ZNF578: variants seen among roughly 807,000 people sequenced by gnomAD.
The protein encoded by ZNF578 is Putative chemokine-related protein B42.
ZNF578 carries 8 observed loss-of-function variants against 8.3 expected under a neutral mutation model. The observed-to-expected ratio is 0.96, with a 90% CI of 0.56 to 1.74. ZNF578 has a LOEUF of 1.74. Ranked by LOEUF, ZNF578 falls within the 40% of genes most tolerant of loss-of-function variation. The pLI is 0.00. For synonymous variants in ZNF578, 206 were observed against 232.2 expected, an observed-to-expected ratio of 0.89 and a Z score of 1.03; for missense variants, 726 against 707.5, an observed-to-expected ratio of 1.03 and a Z score of -0.30.
rs879319517 is a variant in ZNF578, at chr19:52,514,070, C to A, written c.*1916C>A. Among the ~76,000 whole-genome samples the A allele has an allele frequency of 1.3e-5, 2 of 152,082 alleles. No homozygotes were observed. The highest frequency in any genetic ancestry group is 3.8e-4 in the East Asian group (2 of 5,198). On this transcript the variant is annotated 3_prime_UTR_variant, in exon 6 of 6. Transcript: ENST00000421239. ...CAGACATCAAAAATGCTTTTGTTCT[C>A]GTTGTGTCATAGACTTCCCTTTTTT...
At chr19:52,476,577 A>T (rs2059308982) in intron 2 of ZNF578, among the ~76,000 whole-genome samples, 1 of 152,126 alleles carries the variant, frequency 6.6e-6, no homozygotes, top group South Asian at 2.1e-4. Flanking sequence ...ATTCTTCAAC[A>T]TTTTAAATCC....
intron 2 of ZNF578, chr19:52,458,253 G>C (rs1484796444): frequency 6.6e-6 from 1 of 152,254 alleles, no homozygotes; most frequent in Non-Finnish European, 1.5e-5. Context: ...CCATCCTATG[G>C]AGATTGTGGT....
intron 3 of ZNF578, among the ~76,000 whole-genome samples, chr19:52,500,963 C>T (rs1231658607): frequency 2.0e-5 from 3 of 150,372 alleles, no homozygotes; most frequent in African/African-American, 7.3e-5. Flanking sequence ...ACTGCAACCT[C>T]TGTCTCCTGG....
At chr19:52,472,849 T>A (rs115052989) in intron 2 of ZNF578, among the ~76,000 whole-genome samples, 2,140 of 152,322 alleles carry the variant, frequency 0.014, 50 homozygotes, top group African/African-American at 0.048. Context: ...AATAATTTTT[T>A]AAAAAATTAT....
chr19:52,467,700 T>C (rs1236364709), intron 2 of ZNF578, among the ~76,000 whole-genome samples: 4 of 152,112 alleles, frequency 2.6e-5, no homozygotes, highest in Non-Finnish European at 4.4e-5. Flanking sequence ...TGGAGACATA[T>C]ACAATGTCAA....
chr19:52,507,452 C>T (rs553617311), intron 5 of ZNF578, among the ~76,000 whole-genome samples: 10 of 151,816 alleles, frequency 6.6e-5, no homozygotes, highest in South Asian at 2.1e-4. Flanking sequence ...CAGCTACTCA[C>T]GAGGCTGAGG....
chr19:52,497,375 A>G (rs146693959), intron 3 of ZNF578, among the ~76,000 whole-genome samples: 170 of 152,236 alleles, frequency 1.1e-3, no homozygotes, highest in Non-Finnish European at 1.9e-3. Context: ...GTGCACCACT[A>G]TGCCCTGCTA....
chr19:52,498,835 A>T (rs2059396725), intron 3 of ZNF578, among the ~76,000 whole-genome samples: 1 of 152,038 alleles, frequency 6.6e-6, no homozygotes, highest in East Asian at 1.9e-4. Context: ...GATGCACGCC[A>T]CGATGCCTGG....
intron 2 of ZNF578, among the ~76,000 whole-genome samples, chr19:52,478,430 G>A (rs2059314780): frequency 1.3e-5 from 2 of 152,086 alleles, no homozygotes; most frequent in Admixed American, 1.3e-4. Flanking sequence ...CTCTCTATTG[G>A]GGTTTCTATT....
intron 2 of ZNF578, among the ~76,000 whole-genome samples, chr19:52,486,126 T>C (rs1418897528): frequency 6.6e-6 from 1 of 152,150 alleles, no homozygotes; most frequent in Non-Finnish European, 1.5e-5. Flanking sequence ...GGGCTGGAGG[T>C]GAGACATGCG....
intron 2 of ZNF578, chr19:52,458,103 TG>T (rs2059244932): frequency 6.6e-6 from 1 of 152,640 alleles, no homozygotes; most frequent in Non-Finnish European, 1.5e-5. Flanking sequence ...AAGCTGCTCG[TG>T]GAAGTCTTAA....
chr19:52,510,873 T>G lies in ZNF578; in HGVS notation c.492T>G (p.Leu164=), dbSNP rs1437262842. ...TTGGATTAAGCTTTCATTTGCATCT[T>G]CCTGAACTCCACATATTTCAGCCCG... is the stretch of plus-strand genomic sequence containing the variant. ...DQLGLSFHLH[L]PELHIFQPEE... The change falls in exon 6 of 6, where the codon CTT becomes CTG. Residue 164 remains leucine, a synonymous_variant. Coordinates refer to ENST00000421239, the MANE Select transcript of ZNF578 (RefSeq NM_001099694.2). 6.2e-7 allele frequency: 1 copy of G among 1,614,212 alleles called. No homozygotes were observed. The highest frequency in any genetic ancestry group is 1.7e-5 in the Admixed American group (1 of 60,032).
intron 2 of ZNF578, among the ~76,000 whole-genome samples, chr19:52,465,089 T>C (rs2122778420): frequency 6.6e-6 from 1 of 152,312 alleles, no homozygotes; most frequent in African/African-American, 2.4e-5. Flanking sequence ...ACATGGCCTT[T>C]TTCTAGTAGT....
intron 5 of ZNF578, among the ~76,000 whole-genome samples, chr19:52,505,295 A>C (rs748512056): frequency 6.6e-6 from 1 of 152,222 alleles, no homozygotes; most frequent in Non-Finnish European, 1.5e-5. Flanking sequence ...AGTGGTGTTG[A>C]AATTTCTCCT....
chr19:52,483,186 C>T (rs1347532327), intron 2 of ZNF578, among the ~76,000 whole-genome samples: 2 of 152,064 alleles, frequency 1.3e-5, no homozygotes, highest in Non-Finnish European at 2.9e-5. Context: ...AAGGCTGATG[C>T]AGGCAAATCA....
At chr19:52,454,135 T>A (rs941083256) in intron 1 of ZNF578, 23 of 152,330 alleles carry the variant, frequency 1.5e-4, no homozygotes, top group African/African-American at 4.3e-4. Flanking sequence ...GGGGCCTGGC[T>A]TTTGACACTC....
At chr19:52,470,970 A>C (rs1673892) in intron 2 of ZNF578, among the ~76,000 whole-genome samples, 131,354 of 152,118 alleles carry the variant, frequency 0.86, 58,004 homozygotes, top group Non-Finnish European at 0.96. Flanking sequence ...TCTTTGTGCT[A>C]CCATTGCAAT....
At chr19:52,496,015 G>C (rs1255271877) in intron 3 of ZNF578, among the ~76,000 whole-genome samples, 1 of 151,044 alleles carries the variant, frequency 6.6e-6, no homozygotes, top group African/African-American at 2.5e-5. Flanking sequence ...AATTAGTTTA[G>C]TTGTCTTTTT....
intron 2 of ZNF578, among the ~76,000 whole-genome samples, chr19:52,476,474 T>C (rs1181323652): frequency 6.6e-6 from 1 of 152,220 alleles, no homozygotes; most frequent in Non-Finnish European, 1.5e-5. Context: ...CCTGATGTCC[T>C]AGCCCTTTTC....
Sources: gnomAD v4.1 joint callset for allele counts (sites outside exome capture counted in the v4.1 genomes callset) on GRCh38, gnomAD v4.1.1 for gene constraint, MANE v1.5 for transcripts, NCBI Gene and HGNC (gene_info 2026-07-23, HGNC 2026-07-21) for gene names.